The following CELF1 variants were observed in gnomAD, a reference collection of about 807,000 sequenced individuals.
CELF1 encodes CUGBP Elav-like family member 1.
Under a neutral mutation model 61.8 loss-of-function variants are expected in CELF1, and 10 were observed. The observed-to-expected ratio is 0.16, with a 90% confidence interval of 0.10 to 0.27. The LOEUF is 0.27. Among genes scored for constraint, CELF1 ranks in the 10% least tolerant of loss-of-function variants. The pLI is 1.00. For synonymous variants in CELF1, 236 were observed against 225.1 expected (o/e 1.05, Z -0.43); for missense variants, 380 against 639.1 (o/e 0.59, Z 4.37).
rs2077537401 is a variant in CELF1 at position 47,470,836 on chromosome 11, G to C, written c.*1394C>G. The C allele has an allele frequency of 6.6e-6, 1 of 152,228 alleles. No individual in the cohort carries two copies. The highest frequency in any genetic ancestry group is 1.5e-5 in the Non-Finnish European group (1 of 68,064). 9.4% of individuals were successfully genotyped at this position (152,228 alleles called of 1,614,324 possible). On this transcript the variant is annotated 3_prime_UTR_variant, in exon 15 of 15. Transcript: ENST00000687097. ...CTCTACCCCCACAGCACTTCTTAGA[G>C]CAGAGGCAGAGCCCAGAAGCTGTGT...
intron 6 of CELF1, among the ~76,000 whole-genome samples, chr11:47,485,580 T>C (rs1294996121): frequency 2.0e-5 from 3 of 151,458 alleles, no homozygotes; most frequent in African/African-American, 7.3e-5. Context: ...TGTCTACTTT[T>C]CTGAATTTTT....
chr11:47,518,694 T>TCTTA (rs1388261359), intron 1 of CELF1, among the ~76,000 whole-genome samples: 1 of 152,202 alleles, frequency 6.6e-6, no homozygotes, highest in African/African-American at 2.4e-5. Context: ...TCTTTTCTTA[T>TCTTA]CTTACCACCT....
upstream of CELF1, among the ~76,000 whole-genome samples, chr11:47,557,359 C>T (rs1204004317): frequency 6.7e-6 from 1 of 149,814 alleles, no homozygotes; most frequent in Non-Finnish European, 1.5e-5. Context: ...GCTGGGACTA[C>T]AGGCACATGC....
At chr11:47,520,775 C>A (rs776357431) in intron 1 of CELF1, among the ~76,000 whole-genome samples, 43 of 152,146 alleles carry the variant, frequency 2.8e-4, no homozygotes, top group Non-Finnish European at 3.2e-4. Flanking sequence ...TGTGCCACTG[C>A]CCTCCAGCCT....
intron 1 of CELF1, among the ~76,000 whole-genome samples, chr11:47,501,661 T>TA (rs1597114989): frequency 8.2e-5 from 12 of 146,942 alleles, no homozygotes; most frequent in East Asian, 8.1e-4. Context: ...CTAAAAAATA[T>TA]CAAAAAAAAA....
At chr11:47,521,652 C>T (rs1242787315) in intron 1 of CELF1, among the ~76,000 whole-genome samples, 3 of 152,188 alleles carry the variant, frequency 2.0e-5, no homozygotes, top group Non-Finnish European at 4.4e-5. Context: ...TAGTGCCTGA[C>T]ACATAGAAAG....
chr11:47,487,796 T>C lies in CELF1; in HGVS notation c.260-555A>G, dbSNP rs372263702. Among the ~76,000 whole-genome samples, 10 of 152,380 alleles carry C rather than the reference T, an allele frequency of 6.6e-5. 2 individuals are homozygous for C. The highest frequency in any genetic ancestry group is 2.2e-4 in the African/African-American group (9 of 41,594). Reference sequence around the variant, plus strand: ...ACTCTTGGTTCTCATCAAATATAATTAAGCTTCTAAAAGCACATGGTGCTG... The same window carrying C: ...ACTCTTGGTTCTCATCAAATATAATCAAGCTTCTAAAAGCACATGGTGCTG... On this transcript the variant is annotated intron_variant, in intron 4 of 14. Transcript: ENST00000687097.
At chr11:47,502,769 T>C (rs1001273385) in intron 1 of CELF1, among the ~76,000 whole-genome samples, 48 of 152,044 alleles carry the variant, frequency 3.2e-4, no homozygotes, top group African/African-American at 4.3e-4. Flanking sequence ...GAGGCGGAGG[T>C]TGCAGTGAGC....
chr11:47,535,756 G>GT (rs1177351625), intron 1 of CELF1, among the ~76,000 whole-genome samples: 1 of 150,826 alleles, frequency 6.6e-6, no homozygotes, highest in African/African-American at 2.4e-5. Context: ...ATGCCCACAA[G>GT]TTTTTTTGTT....
chr11:47,532,679 A>C (rs1565895230), intron 1 of CELF1, among the ~76,000 whole-genome samples: 1 of 152,188 alleles, frequency 6.6e-6, no homozygotes, highest in Non-Finnish European at 1.5e-5. Flanking sequence ...AAGGCATTCC[A>C]TGTCCCTCAT....
chr11:47,479,027 C>T, intron 9 of CELF1, 75 bp from the exon 10 acceptor site: 1 of 1,258,346 alleles, frequency 7.9e-7, no homozygotes, highest in South Asian at 1.3e-5. Context: ...CTCTACAGCA[C>T]AGCAAAGCGA....
chr11:47,508,727 C>G (rs2094770144), intron 1 of CELF1, among the ~76,000 whole-genome samples: 1 of 151,898 alleles, frequency 6.6e-6, no homozygotes, highest in African/African-American at 2.4e-5. Context: ...ATCTTCCACA[C>G]AGGATTCTGT....
At chr11:47,476,058 G>A (rs1165131009) in intron 12 of CELF1, among the ~76,000 whole-genome samples, 1 of 149,710 alleles carries the variant, frequency 6.7e-6, no homozygotes, top group African/African-American at 2.5e-5. Context: ...GGAGTTCAGT[G>A]GTACAATCAT....
intron 1 of CELF1, among the ~76,000 whole-genome samples, chr11:47,517,153 G>A (rs190310756): frequency 0.01 from 1,527 of 151,680 alleles, 9 homozygotes; most frequent in Non-Finnish European, 0.013. Flanking sequence ...AAGCTGAGGC[G>A]GGAGAATCAC....
At chr11:47,479,051 C>A in intron 9 of CELF1, 99 bp from the exon 10 acceptor site, 1 of 920,842 alleles carries the variant, frequency 1.1e-6, no homozygotes, top group Non-Finnish European at 1.7e-6. Context: ...TGCAGAGGCC[C>A]CCAGAGAGAA....
At chr11:47,514,458 C>A (rs2095433353) in intron 1 of CELF1, among the ~76,000 whole-genome samples, 1 of 152,096 alleles carries the variant, frequency 6.6e-6, no homozygotes, top group Admixed American at 6.6e-5. Flanking sequence ...ATGATCTTTC[C>A]ATGAGTATAT....
rs1411001090 is a variant in CELF1 at position 47,487,024 on chromosome 11, A to G, written c.342+135T>C. 3.9e-6 allele frequency: 3 copies of G among 777,058 alleles called. No homozygotes were observed. The East Asian group carries it at 7.3e-5, about 19-fold the overall frequency. The allele number at this position is 777,058 out of a possible 1,614,324, so 48.1% of individuals were successfully genotyped here. Reference sequence around the variant, plus strand: ...AGGTAATCTCTGAACTGCTCCCTTTATGTCTTCCTTTACATCAATTCCTGC... The same window carrying G: ...AGGTAATCTCTGAACTGCTCCCTTTGTGTCTTCCTTTACATCAATTCCTGC... On this transcript the variant is annotated intron_variant, in intron 5 of 14. Transcript: ENST00000687097.
chr11:47,510,579 T>C (rs1206949335), intron 1 of CELF1, among the ~76,000 whole-genome samples: 2 of 152,144 alleles, frequency 1.3e-5, no homozygotes, highest in Admixed American at 6.5e-5. Flanking sequence ...CTCCGCCTCC[T>C]GGGCTCAAGC....
chr11:47,548,562 G>A (rs1439768120), intron 1 of CELF1, among the ~76,000 whole-genome samples: 1 of 151,880 alleles, frequency 6.6e-6, no homozygotes, highest in African/African-American at 2.4e-5. Flanking sequence ...ATCTAATAAG[G>A]GGTTAATATC....
Sources: gnomAD v4.1 joint callset for allele counts (sites outside exome capture counted in the v4.1 genomes callset) on GRCh38, gnomAD v4.1.1 for gene constraint, MANE v1.5 for transcripts, NCBI Gene and HGNC (gene_info 2026-07-23, HGNC 2026-07-21) for gene names.